LRRC37B: variants seen among roughly 807,000 people sequenced by gnomAD.
LRRC37B encodes the protein leucine-rich repeat-containing protein 37B.
LRRC37B carries 28 observed loss-of-function variants against 98.3 expected under a neutral mutation model. That is an observed-to-expected ratio of 0.28 (90% CI 0.21 to 0.39). LRRC37B has a LOEUF of 0.39. Ranked by LOEUF, LRRC37B falls within the 10% of genes least tolerant of loss-of-function variation. The pLI is 1.00. For synonymous variants in LRRC37B, 364 were observed against 442.7 expected (o/e 0.82, Z 2.23); for missense variants, 938 against 1,182.7 (o/e 0.79, Z 3.03).
chr17:32,019,456 T>A (rs556257168), upstream of LRRC37B, among the ~76,000 whole-genome samples: 6 of 152,310 alleles, frequency 3.9e-5, no homozygotes, highest in South Asian at 1.2e-3. Flanking sequence ...CCTGACACAT[T>A]TCTCAAGCTC....
At chr17:32,012,432 T>G (rs1451010438) in intron 1 of LRRC37B, among the ~76,000 whole-genome samples, 1 of 152,156 alleles carries the variant, frequency 6.6e-6, no homozygotes, top group Non-Finnish European at 1.5e-5. Flanking sequence ...AAAACCATTA[T>G]TTGGCCAGGC....
chr17:32,020,672 A>G (rs1910743952), upstream of LRRC37B: 1 of 346,102 alleles, frequency 2.9e-6, no homozygotes, highest in African/African-American at 2.2e-5. Flanking sequence ...CCTGCCTGCC[A>G]CCCTAACTGG....
exon 1 of LRRC37B, chr17:32,021,841 T>G: frequency 6.2e-7 from 1 of 1,614,176 alleles, no homozygotes; most frequent in Non-Finnish European, 8.5e-7. Flanking sequence ...ATGGACACAC[T>G]GTATCCCGGC....
intron 7 of LRRC37B, 73 bp downstream of exon 10, chr17:32,035,712 A>C: frequency 2.1e-6 from 3 of 1,415,114 alleles, no homozygotes; most frequent in Non-Finnish European, 2.9e-6. Flanking sequence ...TTCTTAAGTC[A>C]GGTTTATTGA....
intron 8 of LRRC37B, 64 bp downstream of exon 11, chr17:32,045,882 A>G (rs1567619672): frequency 6.7e-7 from 1 of 1,498,264 alleles, no homozygotes; most frequent in Non-Finnish European, 9.0e-7. Context: ...TTAAATTTTT[A>G]TTTTTAATTG....
At chr17:32,021,795 C>A in exon 1 of LRRC37B, 1 of 1,614,200 alleles carries the variant, frequency 6.2e-7, no homozygotes, top group Non-Finnish European at 8.5e-7. Context: ...CAAACCTCAG[C>A]GTCAGAAACA....
intron 7 of LRRC37B, chr17:32,036,144 G>C (rs1911239957): frequency 6.4e-6 from 1 of 155,196 alleles, no homozygotes; most frequent in African/African-American, 2.4e-5. Context: ...GGGATTACAG[G>C]TGTGTGCCAC....
intron 5 of LRRC37B, 94 bp from the exon 9 acceptor site, chr17:32,034,816 C>A: frequency 1.1e-6 from 1 of 900,868 alleles, no homozygotes; most frequent in Non-Finnish European, 1.8e-6. Context: ...ATTTTTTTTA[C>A]CTAAAAGTTC....
chr17:32,014,419 T>G (rs1011606519), intron 1 of LRRC37B, among the ~76,000 whole-genome samples: 2 of 151,842 alleles, frequency 1.3e-5, no homozygotes, highest in Non-Finnish European at 2.9e-5. Context: ...CTTCAACAAT[T>G]AAGGCAAAAA....
At chr17:32,022,927 G>C in intron 1 of LRRC37B, 102 bp downstream of exon 4, 1 of 1,124,848 alleles carries the variant, frequency 8.9e-7, no homozygotes, top group Non-Finnish European at 1.3e-6. Flanking sequence ...AAGCCATACT[G>C]ACAAGTGACT....
At chr17:32,021,970 T>A (rs765990845) in exon 1 of LRRC37B, 3 of 1,613,990 alleles carry the variant, frequency 1.9e-6, no homozygotes, top group Non-Finnish European at 2.5e-6. Flanking sequence ...CTTGAAGACA[T>A]CCAGTCCTCT....
exon 1 of LRRC37B, chr17:32,021,370 T>C (rs1377054534): frequency 1.9e-6 from 3 of 1,613,896 alleles, no homozygotes; most frequent in South Asian, 1.1e-5. Context: ...TTTGATTACC[T>C]GGGGCCCTCT....
chr17:32,015,597 C>T (rs1910631716), intron 1 of LRRC37B, among the ~76,000 whole-genome samples: 1 of 152,142 alleles, frequency 6.6e-6, no homozygotes, highest in African/African-American at 2.4e-5. Flanking sequence ...TCTGAAAACA[C>T]TGTAATTTTT....
chr17:32,024,372 T>C, intron 1 of LRRC37B: 2 of 587,938 alleles, frequency 3.4e-6, no homozygotes, highest in Non-Finnish European at 6.2e-6. Context: ...TCTGTTGAAT[T>C]ATTTACCATT....
At chr17:32,041,618 G>A (rs976337488) in intron 7 of LRRC37B, 20 of 467,708 alleles carry the variant, frequency 4.3e-5, no homozygotes, top group East Asian at 3.2e-4. Context: ...CTGCCAAGGC[G>A]GTGTCCAAGC....
upstream of LRRC37B, among the ~76,000 whole-genome samples, chr17:32,019,472 A>G (rs1910716306): frequency 6.6e-6 from 1 of 152,240 alleles, no homozygotes; most frequent in African/African-American, 2.4e-5. Flanking sequence ...AGCTCTTCAC[A>G]TGGCAAGCAA....
At chr17:32,012,052 T>A (rs1910536849) in intron 1 of LRRC37B, among the ~76,000 whole-genome samples, 1 of 152,184 alleles carries the variant, frequency 6.6e-6, no homozygotes, top group Non-Finnish European at 1.5e-5. Context: ...TAGAGGTTTG[T>A]ATATGGCCTG....
At chr17:32,009,405 A>T (rs2142233594) in intron 1 of LRRC37B, among the ~76,000 whole-genome samples, 1 of 151,870 alleles carries the variant, frequency 6.6e-6, no homozygotes, top group African/African-American at 2.4e-5. Context: ...CTGGGATTGC[A>T]AGTGTGCACC....
intron 7 of LRRC37B, chr17:32,041,297 C>T (rs555759642): frequency 2.1e-5 from 16 of 757,706 alleles, no homozygotes; most frequent in South Asian, 5.4e-5. Flanking sequence ...TCCGATCTTC[C>T]GACAAGTCCA....
Sources: allele counts gnomAD v4.1 joint callset (sites outside exome capture counted in the v4.1 genomes callset), GRCh38; gene constraint gnomAD v4.1.1; transcripts MANE v1.5; gene names NCBI Gene and HGNC (gene_info 2026-07-23, HGNC 2026-07-21).